The following L3MBTL1 variants were observed in gnomAD, a reference collection of about 807,000 sequenced individuals.
The protein encoded by L3MBTL1 is lethal(3)malignant brain tumor-like protein 1.
L3MBTL1 carries 75 observed loss-of-function variants against 105.3 expected under a neutral mutation model. That is an observed-to-expected ratio of 0.71 (90% CI 0.59 to 0.86). L3MBTL1 has a LOEUF of 0.86. Ranked by LOEUF, L3MBTL1 falls within the 40% of genes least tolerant of loss-of-function variation. L3MBTL1 has a pLI of 0.00. For missense variants in L3MBTL1, 1,069 were observed against 1,126.4 expected (o/e 0.95, Z 0.73); for synonymous variants, 452 against 436.2 (o/e 1.04, Z -0.45).
At chr20:43,534,226 G>A in intron 14 of L3MBTL1, 58 bp from the exon 15 acceptor site, 1 of 1,573,496 alleles carries the variant, frequency 6.4e-7, no homozygotes, top group Non-Finnish European at 8.7e-7. Context: ...GGCTCCCTCT[G>A]TGGGGCTCAG....
Position 43,515,410 on chromosome 20 carries a change from G to T in L3MBTL1, c.772G>T (p.Ala258Ser). The T allele has an allele frequency of 1.3e-6, 2 of 1,556,132 alleles. No homozygotes were observed. The highest frequency in any genetic ancestry group is 2.4e-5 in the East Asian group (1 of 41,760). ...ATCAGAGGAGGAGTCGGAGCCAGAG[G>T]CCATGGTAGGAAGAGGGCAGTGGGG... The part of the protein sequence containing the change: ...SPSEEESEPE[A>S]MEKQEEGKDP... The change falls in exon 6 of 22, where the codon GCC (alanine) becomes TCC (serine). Residue 258 changes from alanine to serine, a missense_variant. By Grantham distance (99) the Ala-to-Ser change is moderately conservative. Coordinates refer to ENST00000418998, the MANE Select transcript of L3MBTL1 (RefSeq NM_001377303.1).
chr20:43,533,383 G>A lies in L3MBTL1; in HGVS notation c.1478G>A (p.Cys493Tyr), dbSNP rs747702411. The A allele has an allele frequency of 1.2e-6, 2 of 1,613,940 alleles. No individual in the cohort carries two copies. The highest frequency in any genetic ancestry group is 1.7e-6 in the Non-Finnish European group (2 of 1,179,942). The part of the protein sequence containing the change: ...SSPYIHPVGW[C>Y]QKQGKPLTPP... ...CCCTACATCCACCCAGTGGGCTGGT[G>A]CCAGAAGCAAGGAAAGCCCCTCACC... is the stretch of plus-strand genomic sequence containing the variant. Residue 493 changes from cysteine (C) to tyrosine (Y), a missense_variant, in exon 13 of 22, where the codon TGC (cysteine) becomes TAC (tyrosine). Coordinates refer to ENST00000418998, the MANE Select transcript of L3MBTL1 (RefSeq NM_001377303.1).
chr20:43,523,674 C>A, intron 7 of L3MBTL1: 1 of 168,088 alleles, frequency 5.9e-6, no homozygotes, highest in Non-Finnish European at 1.3e-5. Flanking sequence ...ATCTCCTTAT[C>A]CTTTTAATAT....
chr20:43,536,561 T>C (rs1359978166), intron 19 of L3MBTL1, 103 bp downstream of exon 19: 1 of 1,351,632 alleles, frequency 7.4e-7, no homozygotes, highest in African/African-American at 1.4e-5. Flanking sequence ...TGGGAGAAGC[T>C]AGAAGGAGGG....
At chr20:43,543,074 C>T (rs75968604), downstream of L3MBTL1, among the ~76,000 whole-genome samples, 1 of 151,580 alleles carries the variant, frequency 6.6e-6, no homozygotes, top group Non-Finnish European at 1.5e-5. Context: ...TACAGTCGAA[C>T]CAAATTTTCC....
chr20:43,534,250 C>T (rs1029390251), intron 14 of L3MBTL1, 34 bp from the exon 15 acceptor site: 5 of 1,589,378 alleles, frequency 3.1e-6, no homozygotes, highest in East Asian at 2.2e-5. Flanking sequence ...TGCTGAGCTG[C>T]GCCTTGCCCT....
chr20:43,518,400 C>T (rs2145397166), intron 7 of L3MBTL1, among the ~76,000 whole-genome samples: 1 of 152,234 alleles, frequency 6.6e-6, no homozygotes, highest in East Asian at 1.9e-4. Context: ...CTAGTGCTGA[C>T]GGAGTGCTCC....
rs1299923746 is a variant in L3MBTL1, at chr20:43,514,003, C to G, written c.302C>G (p.Thr101Arg). The G allele has an allele frequency of 2.4e-5, 37 of 1,542,672 alleles. No individual in the cohort carries two copies. Among genetic ancestry groups the G allele is most frequent in the Non-Finnish European group, 3.1e-5 (36 of 1,146,854 alleles). ...GGGCCGGCCAGCTCCAGCACCAGCA[C>G]AGTGCGGCTTCTGGAATGGACAGAG... ...SAGPASSSTS[T>R]VRLLEWTEAA... Residue 101 changes from threonine to arginine, a missense_variant, in exon 3 of 22, where the codon ACA (threonine) becomes AGA (arginine). Coordinates refer to ENST00000418998, the MANE Select transcript of L3MBTL1 (RefSeq NM_001377303.1).
At chr20:43,529,572 A>G (rs1395263429) in intron 9 of L3MBTL1, among the ~76,000 whole-genome samples, 1 of 152,192 alleles carries the variant, frequency 6.6e-6, no homozygotes, top group African/African-American at 2.4e-5. Flanking sequence ...ATGAATGTAT[A>G]CTGTCCACTC....
chr20:43,508,416 G>GGGGCCGAGGCCCC (rs992387736), intron 1 of L3MBTL1, among the ~76,000 whole-genome samples: 1 of 152,188 alleles, frequency 6.6e-6, no homozygotes, highest in African/African-American at 2.4e-5. Context: ...GGCGAGGGGC[G>GGGGCCGAGGCCCC]GGGCCGAGGC....
exon 19 of L3MBTL1, chr20:43,548,725 T>C (rs1313815946): frequency 3.3e-5 from 5 of 152,498 alleles, no homozygotes; most frequent in African/African-American, 1.2e-4. Context: ...GTACCTCCTC[T>C]CTTTCTGTCT....
Position 43,536,149 on chromosome 20 carries a change from A to G in L3MBTL1, c.1978A>G (p.Thr660Ala), listed in dbSNP as rs1233574869. 1 of 1,613,794 alleles carries G rather than the reference A, an allele frequency of 6.2e-7. No individual in the cohort carries two copies. The highest frequency in any genetic ancestry group is 1.7e-5 in the Admixed American group (1 of 60,030). ...DGSGHVTGKF[T>A]AHHCLSGCPL... ...CTCTGGCCATGTCACAGGCAAGTTC[A>G]CAGCTCACCATTGCCTCTCAGGCTG... Residue 660 changes from threonine (T) to alanine (A), a missense_variant, in exon 18 of 22, where the codon ACA becomes GCA. Coordinates refer to ENST00000418998, the MANE Select transcript of L3MBTL1 (RefSeq NM_001377303.1).
intron 1 of L3MBTL1, among the ~76,000 whole-genome samples, chr20:43,510,549 C>T (rs562930603): frequency 3.3e-5 from 5 of 151,262 alleles, no homozygotes; most frequent in African/African-American, 4.8e-5. Flanking sequence ...GGATTACAGG[C>T]GCCTGCCACC....
At position 43,513,582 on chromosome 20, in the gene L3MBTL1, G is replaced by C; in HGVS notation, c.79G>C (p.Ala27Pro). 1 of 1,550,632 alleles carries C rather than the reference G, an allele frequency of 6.4e-7. No individual in the cohort carries two copies. ...STGEVSMHLV[A>P]GDSPGSGPHL... ...AGGGGAGGTCAGCATGCACTTGGTG[G>C]CCGGAGACAGCCCCGGTTCTGGTCC... Residue 27 changes from alanine to proline, a missense_variant, in exon 2 of 22, where the codon GCC (alanine) becomes CCC (proline). By Grantham distance (27) the Ala-to-Pro change is conservative (BLOSUM62 -1). Coordinates refer to ENST00000418998, the MANE Select transcript of L3MBTL1 (RefSeq NM_001377303.1).
At chr20:43,512,571 A>G (rs2018161449) in intron 1 of L3MBTL1, among the ~76,000 whole-genome samples, 1 of 152,180 alleles carries the variant, frequency 6.6e-6, no homozygotes, top group Admixed American at 6.5e-5. Flanking sequence ...TTCCTCAGTC[A>G]TAGTAGCCCA....
chr20:43,517,982 A>T (rs2018489424), intron 7 of L3MBTL1, among the ~76,000 whole-genome samples: 2 of 152,206 alleles, frequency 1.3e-5, no homozygotes, highest in African/African-American at 2.4e-5. Context: ...TATGCAGAGG[A>T]AAGAAGCAGT....
chr20:43,512,875 T>C (rs1159763662), intron 1 of L3MBTL1, among the ~76,000 whole-genome samples: 1 of 152,268 alleles, frequency 6.6e-6, no homozygotes, highest in Non-Finnish European at 1.5e-5. Context: ...GTACACTATG[T>C]CTCTGCTCTT....
chr20:43,517,468 C>T (rs549527287), intron 7 of L3MBTL1, among the ~76,000 whole-genome samples: 9 of 150,900 alleles, frequency 6.0e-5, no homozygotes, highest in Middle Eastern at 7.1e-3. Context: ...TAGAGCTGTT[C>T]ACAGACACAC....
At chr20:43,530,956 G>T in intron 11 of L3MBTL1, 67 bp downstream of exon 11, 2 of 1,315,700 alleles carry the variant, frequency 1.5e-6, no homozygotes, top group Non-Finnish European at 2.1e-6. Context: ...CTGGCCCAGG[G>T]TATCTGACTC....
Sources: allele counts gnomAD v4.1 joint callset (sites outside exome capture counted in the v4.1 genomes callset), GRCh38; gene constraint gnomAD v4.1.1; transcripts MANE v1.5; gene names NCBI Gene and HGNC (gene_info 2026-07-23, HGNC 2026-07-21).